PLCE1: variants seen among roughly 807,000 people sequenced by gnomAD.
The protein encoded by PLCE1 is 1-phosphatidylinositol 4,5-bisphosphate phosphodiesterase epsilon-1.
PLCE1 carries 119 observed loss-of-function variants against 242.8 expected under a neutral mutation model. That is an observed-to-expected ratio of 0.49 (90% CI 0.42 to 0.57). PLCE1 has a LOEUF of 0.57. Among genes scored for constraint, PLCE1 ranks in the 20% least tolerant of loss-of-function variants. The pLI, the probability that PLCE1 is intolerant of heterozygous loss-of-function variation, is 0.00. For missense variants in PLCE1, 2,441 were observed against 2,788.8 expected (o/e 0.88, Z 2.81); for synonymous variants, 945 against 1,017.4 (o/e 0.93, Z 1.35).
At chr10:94,138,414 G>T (rs2046852599) in intron 3 of PLCE1, 1 of 403,834 alleles carries the variant, frequency 2.5e-6, no homozygotes. Context: ...GCTGGAAAAG[G>T]CAAGTATTAT....
intron 3 of PLCE1, chr10:94,137,919 A>T: frequency 2.6e-6 from 1 of 381,088 alleles, no homozygotes; most frequent in South Asian, 2.6e-5. Flanking sequence ...GCCAGTGCTG[A>T]GGAGATGACC....
intron 23 of PLCE1, among the ~76,000 whole-genome samples, chr10:94,296,547 T>C (rs1266748564): frequency 6.6e-6 from 1 of 152,190 alleles, no homozygotes; most frequent in Admixed American, 6.5e-5. Flanking sequence ...ACTTTTCTTC[T>C]GCAGCTTCCT....
In PLCE1 at chr10:94,328,121, G is replaced by GGCTGAGGAGAAGCAAAATGGCACAGGGC; in HGVS notation, c.*178_*179insGCTGAGGAGAAGCAAAATGGCACAGGGC. 1 of 359,422 alleles carries GGCTGAGGAGAAGCAAAATGGCACAGGGC rather than the reference G, an allele frequency of 2.8e-6. No individual in the cohort carries two copies. The highest frequency in any genetic ancestry group is 5.8e-6 in the Non-Finnish European group (1 of 170,964). The allele number at this position is 359,422 out of a possible 1,614,324, so 22.3% of individuals were successfully genotyped here. A position where few individuals can be genotyped will look rare whatever the true frequency, so the allele number is the denominator to read the frequency against. ...GGAGAAGCAAAATGGCACAGGGCTA[G>GGCTGAGGAGAAGCAAAATGGCACAGGGC]TTGCCACCAACCAATTTACTGATGA... On this transcript the variant is annotated 3_prime_UTR_variant, in exon 33 of 33. Coordinates refer to ENST00000371380, the MANE Select transcript of PLCE1 (RefSeq NM_016341.4).
intron 3 of PLCE1, among the ~76,000 whole-genome samples, chr10:94,133,087 C>G (rs544731026): frequency 2.6e-5 from 4 of 151,590 alleles, no homozygotes. Context: ...ATGTCAATTA[C>G]TATGACAAGA....
chr10:94,014,438 T>TA (rs11396439), intron 1 of PLCE1, among the ~76,000 whole-genome samples: 73,826 of 142,772 alleles, frequency 0.52, 19,248 homozygotes, highest in East Asian at 0.73. Context: ...ATCCTGTCTT[T>TA]AAAAAAAAAA....
intron 2 of PLCE1, among the ~76,000 whole-genome samples, chr10:94,102,669 A>T (rs74151039): frequency 2.0e-5 from 3 of 152,124 alleles, no homozygotes; most frequent in Non-Finnish European, 4.4e-5. Flanking sequence ...GCCAGAACTC[A>T]TGCCAGCGCC....
chr10:94,130,845 T>C (rs1189751581), intron 2 of PLCE1, among the ~76,000 whole-genome samples: 2 of 151,646 alleles, frequency 1.3e-5, no homozygotes, highest in African/African-American at 4.8e-5. Context: ...CCCTCTTGAG[T>C]GAGATTTGGA....
chr10:94,179,512 G>GTTTTTTTTTTTTT (rs1554877545), intron 4 of PLCE1, among the ~76,000 whole-genome samples: 250 of 19,310 alleles, frequency 0.013, 17 homozygotes, highest in African/African-American at 0.038. Flanking sequence ...TTTTAGTTTA[G>GTTTTTTTTTTTTT]TTTTTTTTTT....
intron 28 of PLCE1, 107 bp downstream of exon 28, chr10:94,313,489 G>T: frequency 7.8e-7 from 1 of 1,276,026 alleles, no homozygotes; most frequent in Non-Finnish European, 1.1e-6. Flanking sequence ...ACATGAATGC[G>T]CAAAAGTCCA....
At chr10:93,994,500 G>C (rs555145272) in intron 1 of PLCE1, among the ~76,000 whole-genome samples, 1 of 152,244 alleles carries the variant, frequency 6.6e-6, no homozygotes, top group African/African-American at 2.4e-5. Flanking sequence ...GCCTCAGGTC[G>C]CCCCTTCGTG....
At chr10:94,041,510 G>A (rs2061766838) in intron 2 of PLCE1, among the ~76,000 whole-genome samples, 1 of 152,102 alleles carries the variant, frequency 6.6e-6, no homozygotes, top group African/African-American at 2.4e-5. Context: ...CATTTCAACT[G>A]GCTGTTAGAA....
At chr10:94,165,021 C>T (rs1457494309) in intron 3 of PLCE1, among the ~76,000 whole-genome samples, 5 of 152,284 alleles carry the variant, frequency 3.3e-5, no homozygotes, top group African/African-American at 9.6e-5. Context: ...AGTACCCGGC[C>T]GTGTGAGGTG....
chr10:94,324,473 A>G lies in PLCE1; in HGVS notation c.6626A>G (p.Gln2209Arg), dbSNP rs2053936556. Residue 2209 changes from glutamine (Q) to arginine (R), a missense_variant, in exon 31 of 33, where the codon CAG becomes CGG. Physicochemically the swap from Gln to Arg is conservative, Grantham distance 43 (BLOSUM62 1). Around this residue, in one of 5 missense-constraint regions of PLCE1, gnomAD observed 310 missense variants for 317.2 expected, o/e 0.98. Coordinates refer to ENST00000371380, the MANE Select transcript of PLCE1 (RefSeq NM_016341.4). ...AAGACTACCACACCAAAGTCCTCTC[A>G]GCGGGTCCTTCTGGATCAGGAGTGT... Reference protein sequence around the residue: ...NKKTTTPKSSQRVLLDQECVF... With the variant: ...NKKTTTPKSSRRVLLDQECVF... 1 of 1,613,990 alleles carries G rather than the reference A, an allele frequency of 6.2e-7. No individual in the cohort carries two copies. Among genetic ancestry groups the G allele is most frequent in the East Asian group, 2.2e-5 (1 of 44,888 alleles).
intron 2 of PLCE1, among the ~76,000 whole-genome samples, chr10:94,094,355 T>C (rs868328326): frequency 6.6e-6 from 1 of 152,108 alleles, no homozygotes; most frequent in Non-Finnish European, 1.5e-5. Flanking sequence ...TAGAGCAGAG[T>C]TCCTCAACCT....
At chr10:94,015,082 C>G (rs1298458194) in intron 1 of PLCE1, among the ~76,000 whole-genome samples, 1 of 152,196 alleles carries the variant, frequency 6.6e-6, no homozygotes, top group Non-Finnish European at 1.5e-5. Flanking sequence ...GTTTTCTTAT[C>G]TCTAAATTGG....
intron 3 of PLCE1, among the ~76,000 whole-genome samples, chr10:94,143,246 C>T (rs897905103): frequency 6.6e-6 from 1 of 152,078 alleles, no homozygotes; most frequent in East Asian, 1.9e-4. Context: ...CTATTTTATT[C>T]CCTCCAGAGT....
chr10:94,220,262 A>G (rs2049680386), intron 4 of PLCE1, among the ~76,000 whole-genome samples: 1 of 150,902 alleles, frequency 6.6e-6, no homozygotes, highest in Non-Finnish European at 1.5e-5. Flanking sequence ...GCACAGTGGC[A>G]TGCACCTGTA....
intron 7 of PLCE1, among the ~76,000 whole-genome samples, chr10:94,236,481 A>G (rs2050328844): frequency 3.3e-5 from 5 of 151,816 alleles, no homozygotes; most frequent in Admixed American, 3.3e-4. Context: ...GGTTTTTTTA[A>G]TTCTTGGGTG....
At chr10:94,097,194 A>G (rs1482209362) in intron 2 of PLCE1, among the ~76,000 whole-genome samples, 1 of 152,232 alleles carries the variant, frequency 6.6e-6, no homozygotes, top group Non-Finnish European at 1.5e-5. Flanking sequence ...TGTGTATGGG[A>G]GAAGGGAAAC....
Sources: allele counts gnomAD v4.1 joint callset (sites outside exome capture counted in the v4.1 genomes callset), GRCh38; gene constraint gnomAD v4.1.1; regional missense constraint gnomAD v4.1.1; transcripts MANE v1.5; gene names NCBI Gene and HGNC (gene_info 2026-07-23, HGNC 2026-07-21).